AR: variants seen among roughly 807,000 people sequenced by gnomAD.
The protein encoded by AR is androgen receptor.
A neutral mutation model predicts 53.9 loss-of-function variants in AR; 8 were observed. The observed-to-expected ratio is 0.15, with a 90% CI of 0.09 to 0.27. The LOEUF (loss-of-function observed/expected upper bound fraction) is 0.27. AR is among the 10% of genes least tolerant of loss of function. The probability of loss-of-function intolerance (pLI) is 1.00; values close to 1 mark genes in which losing one functional copy is unlikely to be tolerated. For synonymous variants in AR, 359 were observed against 316.4 expected (o/e 1.13, Z -1.43); for missense variants, 639 against 742.5 (o/e 0.86, Z 1.62).
chrX:67,696,006 C>G (rs943642959), intron 3 of AR: 1 of 751,415 alleles, frequency 1.3e-6, no homozygotes, highest in South Asian at 6.8e-5. Flanking sequence ...TTTTTAACTA[C>G]TTTCTATTTG....
At chrX:67,666,022 G>C in intron 2 of AR, among the ~76,000 whole-genome samples, 1 of 110,796 alleles carries the variant, frequency 9.0e-6, no homozygotes, top group East Asian at 2.8e-4. Flanking sequence ...GAGTTAATGG[G>C]GTATCCCTCA....
intron 1 of AR, among the ~76,000 whole-genome samples, chrX:67,597,139 C>A (rs1464983706): frequency 8.9e-6 from 1 of 111,876 alleles, no homozygotes; most frequent in African/African-American, 3.2e-5. Flanking sequence ...TTTGCACTAG[C>A]CCAGATAGTA....
Position 67,728,574 on chromosome X carries a change from AATATATATATATATATATATATAT to A in AR, c.*4751_*4774del, listed in dbSNP as rs10666509. On this transcript the variant is annotated 3_prime_UTR_variant, in exon 8 of 8. Transcript: ENST00000374690. Reference sequence around the variant, plus strand: ...ATTTGTATCCATGTTTCAAAATTGAAATATATATATATATATATATATATATATATATATATATATAGTGTGTGT... The same window carrying A: ...ATTTGTATCCATGTTTCAAAATTGAAATATATATATATATATAGTGTGTGT... 11 of 29,873 alleles carry A rather than the reference AATATATATATATATATATATATAT, an allele frequency of 3.7e-4. No homozygotes were observed. The East Asian group carries it at 3.8e-3, about 10-fold the overall frequency. The allele number at this position is 29,873 out of a possible 1,213,427, so 2.5% of individuals were successfully genotyped here.
rs971627640 is a variant in AR at position 67,660,008 on chromosome X, GTCT to G, written c.1768+16606_1768+16608del. 2.7e-5 allele frequency among the ~76,000 whole-genome samples: 3 copies of G among 112,147 alleles called. No homozygotes were observed. The Admixed American group carries it at 2.8e-4, about 11-fold the overall frequency. On this transcript the variant is annotated intron_variant, in intron 2 of 7. Transcript: ENST00000374690. ...TCATGTGTCTGTTGGCTGTGTAAAT[GTCT>G]TCTTTGAGACGTGTCTGTTCATATC...
At chrX:67,631,158 C>T (rs1216365956) in intron 1 of AR, among the ~76,000 whole-genome samples, 7 of 110,967 alleles carry the variant, frequency 6.3e-5, no homozygotes, top group Admixed American at 5.8e-4. Context: ...GTGGCATTCT[C>T]TGTATTTCCT....
chrX:67,676,229 A>G (rs1392629202), intron 2 of AR, among the ~76,000 whole-genome samples: 1 of 111,764 alleles, frequency 8.9e-6, no homozygotes, highest in East Asian at 2.8e-4. Flanking sequence ...AAACAGCTTT[A>G]CTTGCAAATC....
chrX:67,631,178 T>C (rs987891769), intron 1 of AR, among the ~76,000 whole-genome samples: 2 of 111,471 alleles, frequency 1.8e-5, no homozygotes, highest in African/African-American at 3.3e-5. Flanking sequence ...TGAATCTGAA[T>C]GTTGGCCTGC....
At chrX:67,695,559 A>G in intron 3 of AR, 1 of 752,009 alleles carries the variant, frequency 1.3e-6, no homozygotes, top group East Asian at 1.5e-4. Flanking sequence ...TCAAAGAAGA[A>G]TCACTTAGAG....
chrX:67,715,605 A>G (rs1355786752), intron 4 of AR, among the ~76,000 whole-genome samples: 1 of 111,981 alleles, frequency 8.9e-6, no homozygotes, highest in African/African-American at 3.2e-5. Context: ...TCATTAGTGG[A>G]GTAGAAAAAA....
chrX:67,708,873 G>A (rs2076080957), intron 3 of AR, among the ~76,000 whole-genome samples: 2 of 112,443 alleles, frequency 1.8e-5, no homozygotes, highest in Middle Eastern at 9.1e-3. Context: ...AGGACCCTCA[G>A]CTGCAGGTCT....
At position 67,545,362 on chromosome X, in the gene AR, G is replaced by T. The variant is rs772988492; in HGVS notation, c.216G>T (p.Gln72His). ...QQQQQQQQQQ[Q>H]QQQQQQQQET... Reference sequence around the variant, plus strand: ...AGCAGCAGCAGCAGCAGCAGCAGCAGCAGCAGCAGCAGCAGCAGCAGCAAG... The same window carrying T: ...AGCAGCAGCAGCAGCAGCAGCAGCATCAGCAGCAGCAGCAGCAGCAGCAAG... Residue 72 changes from glutamine to histidine, a missense_variant, in exon 1 of 8, where the codon CAG (glutamine) becomes CAT (histidine). Coordinates refer to ENST00000374690, the MANE Select transcript of AR (RefSeq NM_000044.6). 8.5e-7 allele frequency: 1 copy of T among 1,180,607 alleles called. No individual in the cohort carries two copies. The highest frequency in any genetic ancestry group is 1.9e-5 in the African/African-American group (1 of 53,556).
At chrX:67,676,840 G>A (rs2075903000) in intron 2 of AR, among the ~76,000 whole-genome samples, 2 of 111,924 alleles carry the variant, frequency 1.8e-5, no homozygotes, top group South Asian at 3.7e-4. Flanking sequence ...GTTTTCTGCA[G>A]TGAGGGTGTC....
In AR at chrX:67,546,505, T is replaced by G. The variant is rs1434424401; in HGVS notation, c.1359T>G (p.Gly453=). Reference sequence around the variant, plus strand: ...AGTTGTATGGACCGTGTGGTGGTGGTGGGGGTGGTGGCGGCGGCGGCGGCG... The same window carrying G: ...AGTTGTATGGACCGTGTGGTGGTGGGGGGGGTGGTGGCGGCGGCGGCGGCG... ...EGQLYGPCGG[G]GGGGGGGGGG... Residue 453 remains glycine, a synonymous_variant, in exon 1 of 8, where the codon GGT becomes GGG. Transcript: ENST00000374690. 30 of 511,759 alleles carry G rather than the reference T, an allele frequency of 5.9e-5. No individual in the cohort carries two copies. Among genetic ancestry groups the G allele is most frequent in the African/African-American group, 2.8e-4 (9 of 32,029 alleles). The allele number at this position is 511,759 out of a possible 1,213,427, so 42.2% of individuals were successfully genotyped here. A position where few individuals can be genotyped will look rare whatever the true frequency, so the allele number is the denominator to read the frequency against.
At position 67,689,747 on chromosome X, in the gene AR, CT is replaced by C. The variant is rs1207436941; in HGVS notation, c.1885+3625del. The C allele has an allele frequency of 8.4e-6, 7 of 833,215 alleles. No individual in the cohort carries two copies. In the South Asian group the frequency reaches 2.4e-4, roughly 28 times the overall value. 68.7% of individuals were successfully genotyped at this position (833,215 alleles called of 1,213,427 possible). On this transcript the variant is annotated intron_variant, in intron 3 of 7. Coordinates refer to ENST00000374690, the MANE Select transcript of AR (RefSeq NM_000044.6). ...TTGACGAATTTAAATCCCTTGACTACTTTTCATTTCAGAAAACACTTACAAA... is the reference window on the plus strand; with the variant it reads ...TTGACGAATTTAAATCCCTTGACTACTTTCATTTCAGAAAACACTTACAAA...
In AR at chrX:67,544,995, T is replaced by G. The variant is rs969558401; in HGVS notation, c.-152T>G. 8 of 876,436 alleles carry G rather than the reference T, an allele frequency of 9.1e-6. No homozygotes were observed. Among genetic ancestry groups the G allele is most frequent in the Non-Finnish European group, 1.2e-5 (8 of 650,066 alleles). The allele number at this position is 876,436 out of a possible 1,213,427, so 72.2% of individuals were successfully genotyped here. A position where few individuals can be genotyped will look rare whatever the true frequency, so the allele number is the denominator to read the frequency against. On this transcript the variant is annotated 5_prime_UTR_variant, in exon 1 of 8. Coordinates refer to ENST00000374690, the MANE Select transcript of AR (RefSeq NM_000044.6). Reference sequence around the variant, plus strand: ...GGCTGTCAGAGCGCTTTTTGCGTGGTTGCTCCCGCAAGTTTCCTTCTCTGG... The same window carrying G: ...GGCTGTCAGAGCGCTTTTTGCGTGGGTGCTCCCGCAAGTTTCCTTCTCTGG...
chrX:67,705,735 G>A (rs2076063864), intron 3 of AR, among the ~76,000 whole-genome samples: 1 of 111,538 alleles, frequency 9.0e-6, no homozygotes, highest in Admixed American at 9.5e-5. Flanking sequence ...GTTTTCAAAG[G>A]GAGTGCTTCC....
chrX:67,640,432 G>T (rs1159108145), intron 1 of AR, among the ~76,000 whole-genome samples: 1 of 111,503 alleles, frequency 9.0e-6, no homozygotes, highest in African/African-American at 3.3e-5. Flanking sequence ...GAATTCATCT[G>T]TGAATCCTTC....
At chrX:67,562,774 G>A (rs769914137) in intron 1 of AR, among the ~76,000 whole-genome samples, 3 of 111,187 alleles carry the variant, frequency 2.7e-5, no homozygotes, top group South Asian at 7.7e-4. Context: ...ATTCTAGCAC[G>A]GCCACATAAC....
In AR at chrX:67,707,641, C is replaced by T. The variant is rs904664133; in HGVS notation, c.1886-3761C>T. Among the ~76,000 whole-genome samples the T allele has an allele frequency of 4.5e-5, 5 of 111,759 alleles. No individual in the cohort carries two copies. The South Asian group carries it at 1.1e-3, about 25-fold the overall frequency. On this transcript the variant is annotated intron_variant, in intron 3 of 7. Coordinates refer to ENST00000374690, the MANE Select transcript of AR (RefSeq NM_000044.6). ...ATTGGAGCATTTAGGTTAATATTTA[C>T]GTTTAAGGTTAATATTGTTATATGT...
Sources: allele counts gnomAD v4.1 joint callset (sites outside exome capture counted in the v4.1 genomes callset), GRCh38; gene constraint gnomAD v4.1.1; transcripts MANE v1.5; gene names NCBI Gene and HGNC (gene_info 2026-07-23, HGNC 2026-07-21).